GALNT8: variants seen among roughly 807,000 people sequenced by gnomAD.
GALNT8 encodes the protein probable polypeptide N-acetylgalactosaminyltransferase 8.
Under a neutral mutation model 62.7 loss-of-function variants are expected in GALNT8, and 66 were observed. That is an observed-to-expected ratio of 1.05 (90% confidence interval 0.86 to 1.29). GALNT8 has a LOEUF of 1.29. Among genes scored for constraint, GALNT8 ranks in the 50% most tolerant of loss-of-function variants. The pLI is 0.00. For synonymous variants in GALNT8, 288 were observed against 294.3 expected, an observed-to-expected ratio of 0.98 and a Z score of 0.22; for missense variants, 771 against 791.8, an observed-to-expected ratio of 0.97 and a Z score of 0.32.
chr12:4,767,331 T>C (rs954719166), intron 10 of GALNT8, among the ~76,000 whole-genome samples: 1 of 152,200 alleles, frequency 6.6e-6, no homozygotes. Context: ...GGTTTGCTGT[T>C]TTTTCTCTAG....
intron 2 of GALNT8, among the ~76,000 whole-genome samples, chr12:4,733,279 G>T (rs1946228554): frequency 6.6e-6 from 1 of 152,118 alleles, no homozygotes; most frequent in African/African-American, 2.4e-5. Flanking sequence ...AAATTCTACT[G>T]GACAGTGCTG....
intron 2 of GALNT8, among the ~76,000 whole-genome samples, chr12:4,729,667 A>T (rs1946212514): frequency 6.6e-6 from 1 of 152,122 alleles, no homozygotes; most frequent in Admixed American, 6.5e-5. Context: ...GTATTCCACT[A>T]TTATGAATAA....
chr12:4,772,122 T>C (rs1946427354), intron 10 of GALNT8, among the ~76,000 whole-genome samples: 1 of 152,158 alleles, frequency 6.6e-6, no homozygotes. Flanking sequence ...GAGGGCCAAG[T>C]TGAGAAGGCC....
intron 9 of GALNT8, 101 bp from the exon 10 acceptor site, chr12:4,765,278 C>T: frequency 8.4e-7 from 1 of 1,192,556 alleles, no homozygotes; most frequent in Non-Finnish European, 1.1e-6. Context: ...TCTAGGGGCC[C>T]CAAGATCATT....
intron 6 of GALNT8, among the ~76,000 whole-genome samples, chr12:4,760,491 C>T (rs558748656): frequency 9.3e-4 from 141 of 152,318 alleles, no homozygotes; most frequent in Admixed American, 2.7e-3. Flanking sequence ...CAGGCCCACA[C>T]TCAAGGGGAG....
chr12:4,763,823 C>A, intron 8 of GALNT8, 129 bp from the exon 9 acceptor site: 1 of 662,730 alleles, frequency 1.5e-6, no homozygotes, highest in East Asian at 2.7e-5. Context: ...GGGATCCCAG[C>A]CCTCTGCTCC....
intron 1 of GALNT8, among the ~76,000 whole-genome samples, chr12:4,724,610 C>A (rs986483730): frequency 2.0e-5 from 3 of 152,248 alleles, no homozygotes; most frequent in African/African-American, 7.2e-5. Flanking sequence ...CATAGTGTTC[C>A]ATCTGGGACA....
chr12:4,720,962 T>A, intron 1 of GALNT8, 74 bp downstream of exon 1: 2 of 905,028 alleles, frequency 2.2e-6, no homozygotes, highest in Admixed American at 1.9e-5. Flanking sequence ...AAAAGGGATA[T>A]GGAAGGAAAA....
intron 6 of GALNT8, among the ~76,000 whole-genome samples, chr12:4,755,858 C>A (rs757659363): frequency 1.3e-5 from 2 of 152,214 alleles, no homozygotes; most frequent in Admixed American, 6.5e-5. Flanking sequence ...AATCAATTCT[C>A]ACAGATTTGC....
chr12:4,750,277 A>G (rs1946316730), intron 6 of GALNT8, among the ~76,000 whole-genome samples: 1 of 151,960 alleles, frequency 6.6e-6, no homozygotes, highest in Admixed American at 6.6e-5. Flanking sequence ...AGATTATTTC[A>G]TCACCTAGGT....
rs777136613 is a variant in GALNT8 at position 4,726,784 on chromosome 12, A to G, written c.464A>G (p.Asn155Ser). ...RKFGYNAYLS[N>S]QLPLNRTIPD... ...TTTGGTTACAACGCGTACCTCAGCA[A>G]CCAGCTGCCTCTCAATCGCACCATC... The change falls in exon 2 of 11, where the codon AAC (asparagine) becomes AGC (serine). Residue 155 changes from asparagine (N) to serine (S), a missense_variant. Asn to Ser is a conservative substitution (Grantham distance 46). Transcript: ENST00000252318. This position sits in a 1 kb window ranked among gnomAD's most constrained non-coding sequence, Gnocchi z 4.1. 9 of 1,613,850 alleles carry G rather than the reference A, an allele frequency of 5.6e-6. No individual in the cohort carries two copies. Among genetic ancestry groups the G allele is most frequent in the Non-Finnish European group, 7.6e-6 (9 of 1,180,002 alleles).
At chr12:4,771,005 G>A (rs1023174417) in intron 10 of GALNT8, among the ~76,000 whole-genome samples, 2 of 152,168 alleles carry the variant, frequency 1.3e-5, no homozygotes, top group African/African-American at 4.8e-5. Flanking sequence ...CGGGTGAGGC[G>A]GGCATGGGGC....
At chr12:4,756,968 CG>C (rs376997873) in intron 6 of GALNT8, among the ~76,000 whole-genome samples, 9 of 152,050 alleles carry the variant, frequency 5.9e-5, no homozygotes, top group African/African-American at 2.2e-4. Flanking sequence ...TGGATCATGT[CG>C]GGGGGGTTTT....
rs1243719414 is a variant in GALNT8 at position 4,726,490 on chromosome 12, C to T, written c.212-42C>T. Reference sequence around the variant, plus strand: ...GAATACCCAGGTAACTAAGGAGGGGCTGAAATGTTTTCTCTCCCACCCCTG... The same window carrying T: ...GAATACCCAGGTAACTAAGGAGGGGTTGAAATGTTTTCTCTCCCACCCCTG... On this transcript the variant is annotated intron_variant, in intron 1 of 10. Transcript: ENST00000252318. The surrounding 1 kb of genome is among the most constrained non-coding windows in gnomAD (Gnocchi z 4.1). 6.9e-7 allele frequency: 1 copy of T among 1,443,962 alleles called. No individual in the cohort carries two copies. Among genetic ancestry groups the T allele is most frequent in the Non-Finnish European group, 9.6e-7 (1 of 1,047,032 alleles). The allele number at this position is 1,443,962 out of a possible 1,614,324, so 89.4% of individuals were successfully genotyped here. A position where few individuals can be genotyped will look rare whatever the true frequency, so the allele number is the denominator to read the frequency against.
Position 4,763,305 on chromosome 12 carries a change from A to G in GALNT8, c.1412A>G (p.Lys471Arg). 1 of 1,612,374 alleles carries G rather than the reference A, an allele frequency of 6.2e-7. No individual in the cohort carries two copies. Among genetic ancestry groups the G allele is most frequent in the African/African-American group, 1.3e-5 (1 of 75,018 alleles). Reference protein sequence around the residue: ...DVSSRMALREKLKCKTFDWYL... With the variant: ...DVSSRMALRERLKCKTFDWYL... ...TCTTCCAGAATGGCACTCCGGGAAAAACTGAAATGTAAAACTTTTGACTGG... is the reference window on the plus strand; with the variant it reads ...TCTTCCAGAATGGCACTCCGGGAAAGACTGAAATGTAAAACTTTTGACTGG... The change falls in exon 8 of 11, where the codon AAA becomes AGA. Residue 471 changes from lysine to arginine, a missense_variant. Transcript: ENST00000252318.
rs192279486 is a variant in GALNT8, at chr12:4,740,955, G to A, written c.676+1626G>A. On this transcript the variant is annotated intron_variant, in intron 3 of 10. Transcript: ENST00000252318. ...GAATTATGTAACGCATTTTGCACAT[G>A]GTAGCCTCTCAGCAATTGTTGGCTC... is the stretch of plus-strand genomic sequence containing the variant. Among the ~76,000 whole-genome samples, 10 of 152,256 alleles carry A rather than the reference G, an allele frequency of 6.6e-5. 1 individual carries two copies. The highest frequency in any genetic ancestry group is 2.0e-4 in the Admixed American group (3 of 15,288).
At chr12:4,759,119 T>A (rs1946360478) in intron 6 of GALNT8, among the ~76,000 whole-genome samples, 1 of 152,162 alleles carries the variant, frequency 6.6e-6, no homozygotes, top group African/African-American at 2.4e-5. Flanking sequence ...TTTCTTATGA[T>A]AACAGTTAAT....
chr12:4,758,445 C>G (rs1946354761), intron 6 of GALNT8, among the ~76,000 whole-genome samples: 1 of 152,144 alleles, frequency 6.6e-6, no homozygotes, highest in Admixed American at 6.5e-5. Flanking sequence ...GAACATGTAA[C>G]TTCCTGGGCT....
At chr12:4,772,010 C>T (rs527947815) in intron 10 of GALNT8, among the ~76,000 whole-genome samples, 9 of 152,328 alleles carry the variant, frequency 5.9e-5, no homozygotes, top group African/African-American at 9.6e-5. Context: ...ACTGTAGCTC[C>T]TGCTCCAGGC....
Sources: gnomAD v4.1 joint callset for allele counts (sites outside exome capture counted in the v4.1 genomes callset) on GRCh38, gnomAD v4.1.1 for gene constraint, Gnocchi (gnomAD v3.1) non-coding constraint, MANE v1.5 for transcripts, NCBI Gene and HGNC (gene_info 2026-07-23, HGNC 2026-07-21) for gene names.